The following SLC4A5 variants were observed in gnomAD, a reference collection of about 807,000 sequenced individuals.
SLC4A5 encodes solute carrier family 4 member 5, also known as electrogenic sodium bicarbonate cotransporter 4.
In SLC4A5, 96 loss-of-function variants were observed where a neutral mutation model predicts 120.4. The observed-to-expected ratio is 0.80, with a 90% CI of 0.68 to 0.94. The LOEUF is 0.94. Ranked by LOEUF, SLC4A5 falls within the 40% of genes least tolerant of loss-of-function variation. The probability of loss-of-function intolerance (pLI) is 0.00; values close to 1 mark genes in which losing one functional copy is unlikely to be tolerated. For synonymous variants in SLC4A5, 550 were observed against 571.1 expected, an observed-to-expected ratio of 0.96 and a Z score of 0.53; for missense variants, 1,259 against 1,459.5, an observed-to-expected ratio of 0.86 and a Z score of 2.24.
intron 19 of SLC4A5, among the ~76,000 whole-genome samples, chr2:74,242,274 A>G (rs1426675541): frequency 1.3e-5 from 2 of 152,246 alleles, no homozygotes; most frequent in African/African-American, 4.8e-5. Flanking sequence ...CCAGGACAGC[A>G]CCTGCCTGAC....
At position 74,254,722 on chromosome 2, in the gene SLC4A5, AG is replaced by A. The variant is rs1558880316; in HGVS notation, c.1026-17del. ...AAACAGAAATCTGCAAAGAAGATGG[AG>A]GAGGAGACAGAGAAGATTAAGGAAG... On this transcript the variant is annotated splice_polypyrimidine_tract_variant and intron_variant, in intron 13 of 30. Coordinates refer to ENST00000394019, the Ensembl canonical transcript of SLC4A5. 2.6e-6 allele frequency: 4 copies of A among 1,560,696 alleles called. No individual in the cohort carries two copies. The highest frequency in any genetic ancestry group is 3.5e-6 in the Non-Finnish European group (4 of 1,131,674).
intron 14 of SLC4A5, 50 bp downstream of exon 14, chr2:74,254,568 TG>T: frequency 7.1e-7 from 1 of 1,417,912 alleles, no homozygotes. Flanking sequence ...GTGCAGTGCT[TG>T]GTGCAGGAGC....
chr2:74,273,395 T>G (rs1671537682), intron 8 of SLC4A5, among the ~76,000 whole-genome samples: 1 of 152,256 alleles, frequency 6.6e-6, no homozygotes, highest in African/African-American at 2.4e-5. Flanking sequence ...ACATTTGTTT[T>G]AAGAATTACA....
intron 18 of SLC4A5, 107 bp from the exon 19 acceptor site, chr2:74,247,414 T>A: frequency 8.2e-7 from 1 of 1,216,544 alleles, no homozygotes. Context: ...GTGGCACTGA[T>A]GCCCTCCCAG....
At chr2:74,340,141 T>C (rs750422518) in intron 2 of SLC4A5, among the ~76,000 whole-genome samples, 6 of 152,184 alleles carry the variant, frequency 3.9e-5, no homozygotes, top group Non-Finnish European at 7.4e-5. Context: ...CAGAACAATG[T>C]GAATATAATT....
intron 6 of SLC4A5, among the ~76,000 whole-genome samples, chr2:74,305,510 T>C (rs1672614124): frequency 6.6e-6 from 1 of 152,172 alleles, no homozygotes; most frequent in Non-Finnish European, 1.5e-5. Context: ...TTTGTTATAA[T>C]TAATGAGCCA....
intron 6 of SLC4A5, among the ~76,000 whole-genome samples, chr2:74,309,656 A>ATT (rs201372695): frequency 1.0e-3 from 144 of 141,698 alleles, no homozygotes; most frequent in African/African-American, 3.2e-3. Context: ...TGAACATGAA[A>ATT]TTTTTTTTTT....
intron 7 of SLC4A5, among the ~76,000 whole-genome samples, chr2:74,293,447 T>A (rs1279566323): frequency 6.6e-6 from 1 of 152,192 alleles, no homozygotes; most frequent in East Asian, 1.9e-4. Flanking sequence ...CAGGAATGGT[T>A]CATTGGACAC....
At chr2:74,339,246 G>A (rs562626070) in intron 2 of SLC4A5, 1 of 152,242 alleles carries the variant, frequency 6.6e-6, no homozygotes, top group Admixed American at 6.5e-5. Flanking sequence ...TATTGTTAGG[G>A]GAGGGAGAGC....
chr2:74,254,236 A>G (rs942681294), intron 14 of SLC4A5, among the ~76,000 whole-genome samples: 1 of 152,102 alleles, frequency 6.6e-6, no homozygotes, highest in Non-Finnish European at 1.5e-5. Flanking sequence ...CACTGAGCCT[A>G]TATCAAACCA....
intron 8 of SLC4A5, among the ~76,000 whole-genome samples, chr2:74,275,012 C>A (rs1671594047): frequency 6.6e-6 from 1 of 152,172 alleles, no homozygotes; most frequent in Non-Finnish European, 1.5e-5. Context: ...CTGCAATGAA[C>A]CCCACTTCCT....
chr2:74,227,153 G>C (rs1297734219), intron 26 of SLC4A5, 23 bp from the exon 27 acceptor site: 1 of 1,584,206 alleles, frequency 6.3e-7, no homozygotes, highest in Non-Finnish European at 8.6e-7. Flanking sequence ...CGGGGGCTCA[G>C]CCAGGCAGCC....
chr2:74,222,728 C>G, intron 29 of SLC4A5, 140 bp downstream of exon 29: 4 of 739,094 alleles, frequency 5.4e-6, no homozygotes, highest in Non-Finnish European at 9.4e-6. Flanking sequence ...CAAAACTTGT[C>G]CCTTATGACA....
intron 7 of SLC4A5, among the ~76,000 whole-genome samples, chr2:74,295,092 G>C (rs937887446): frequency 6.6e-6 from 1 of 152,104 alleles, no homozygotes; most frequent in Non-Finnish European, 1.5e-5. Flanking sequence ...GAGAGACCGA[G>C]GTAAATCATA....
exon 17 of SLC4A5, chr2:74,250,476 G>T (rs1333756755): frequency 7.4e-6 from 12 of 1,614,184 alleles, no homozygotes; most frequent in Non-Finnish European, 1.0e-5. Context: ...TGGGAACCAG[G>T]GCAACTTCCT....
At chr2:74,299,951 A>G (rs774580789) in intron 7 of SLC4A5, among the ~76,000 whole-genome samples, 8 of 152,254 alleles carry the variant, frequency 5.3e-5, no homozygotes, top group Non-Finnish European at 8.8e-5. Context: ...ACAATAGCCA[A>G]AACAGAAACA....
intron 25 of SLC4A5, among the ~76,000 whole-genome samples, chr2:74,228,836 A>G (rs1694948210): frequency 6.6e-6 from 1 of 152,148 alleles, no homozygotes; most frequent in Non-Finnish European, 1.5e-5. Flanking sequence ...TGCTTTTTCA[A>G]AAATGGGATC....
chr2:74,241,741 C>CAAAA (rs367922236), intron 20 of SLC4A5, among the ~76,000 whole-genome samples: 1 of 97,434 alleles, frequency 1.0e-5, no homozygotes, highest in African/African-American at 4.2e-5. Flanking sequence ...GACCCTGTCT[C>CAAAA]AAAAAAAAAA....
chr2:74,249,109 C>T (rs1670710711), intron 17 of SLC4A5, among the ~76,000 whole-genome samples: 1 of 152,136 alleles, frequency 6.6e-6, no homozygotes, highest in South Asian at 2.1e-4. Flanking sequence ...ACATTAGATA[C>T]CAGTAGGAAC....
Sources: allele counts gnomAD v4.1 joint callset (sites outside exome capture counted in the v4.1 genomes callset), GRCh38; gene constraint gnomAD v4.1.1; transcripts MANE v1.5; gene names NCBI Gene and HGNC (gene_info 2026-07-23, HGNC 2026-07-21).